The following DCHS2 variants were observed in gnomAD, a reference collection of about 807,000 sequenced individuals.
DCHS2 encodes protocadherin-23.
Under a neutral mutation model 182.4 loss-of-function variants are expected in DCHS2, and 142 were observed. The ratio of observed to expected loss-of-function variants is 0.78; its 90% CI spans 0.68 to 0.89. DCHS2 has a LOEUF of 0.89. DCHS2 is among the 40% of genes least tolerant of loss of function. DCHS2 has a pLI of 0.00. For synonymous variants in DCHS2, 1,740 were observed against 1,663.3 expected, an observed-to-expected ratio of 1.05 and a Z score of -1.12; for missense variants, 4,319 against 4,198.6, an observed-to-expected ratio of 1.03 and a Z score of -0.79.
At chr4:154,357,301 T>A (rs2110743364) in intron 3 of DCHS2, 1 of 1,613,016 alleles carries the variant, frequency 6.2e-7, no homozygotes, top group African/African-American at 1.3e-5. Context: ...GCACTCAGAA[T>A]TTCTACCTCT....
intron 9 of DCHS2, among the ~76,000 whole-genome samples, chr4:154,316,731 C>T (rs970200904): frequency 1.4e-4 from 21 of 152,170 alleles, no homozygotes; most frequent in Non-Finnish European, 1.0e-4. Flanking sequence ...CTGTAGTGAG[C>T]TGAGATCGTG....
intron 14 of DCHS2, among the ~76,000 whole-genome samples, chr4:154,265,757 CAA>C (rs139790522): frequency 7.0e-6 from 1 of 142,490 alleles, no homozygotes. Flanking sequence ...TTCTGAACAA[CAA>C]AAAAAAAAGA....
At position 154,297,834 on chromosome 4, in the gene DCHS2, C is replaced by T. The variant is rs1735000247; in HGVS notation, c.6463+17G>A. The T allele has an allele frequency of 6.3e-7, 1 of 1,591,808 alleles. No homozygotes were observed. Among genetic ancestry groups the T allele is most frequent in the African/African-American group, 1.4e-5 (1 of 73,806 alleles). On this transcript the variant is annotated intron_variant, in intron 13 of 19. Coordinates refer to ENST00000357232, the MANE Select transcript of DCHS2 (RefSeq NM_001358235.2). ...CAAAACAGGTACAATATATGAAAAA[C>T]TTGAAGGGACACTCACCTGCCTCAC... is the stretch of plus-strand genomic sequence containing the variant.
At chr4:154,440,930 C>T (rs892259536) in intron 1 of DCHS2, among the ~76,000 whole-genome samples, 2 of 152,146 alleles carry the variant, frequency 1.3e-5, no homozygotes, top group African/African-American at 2.4e-5. Flanking sequence ...AGAGAAAATA[C>T]AGGATGCCTG....
chr4:154,485,796 G>C (rs1454628316), intron 1 of DCHS2, among the ~76,000 whole-genome samples: 2 of 152,204 alleles, frequency 1.3e-5, no homozygotes, highest in Non-Finnish European at 2.9e-5. Context: ...TCTCAATGCT[G>C]GAGTTATACT....
chr4:154,260,427 C>T (rs946652880), intron 14 of DCHS2, among the ~76,000 whole-genome samples: 1 of 152,188 alleles, frequency 6.6e-6, no homozygotes, highest in Non-Finnish European at 1.5e-5. Context: ...CAGCACTTCC[C>T]ACCTTGTCCC....
intron 4 of DCHS2, 131 bp downstream of exon 4, chr4:154,334,737 G>A: frequency 1.4e-6 from 1 of 708,888 alleles, no homozygotes; most frequent in Admixed American, 2.4e-5. Context: ...GCAAGCCACA[G>A]TTTGTGTTAT....
At chr4:154,364,278 A>G (rs1425307858) in intron 3 of DCHS2, among the ~76,000 whole-genome samples, 2 of 152,206 alleles carry the variant, frequency 1.3e-5, no homozygotes, top group East Asian at 1.9e-4. Flanking sequence ...CTAAAAACAG[A>G]ATACAGTATA....
At chr4:154,414,574 C>A (rs998443331) in intron 1 of DCHS2, among the ~76,000 whole-genome samples, 1 of 138,280 alleles carries the variant, frequency 7.2e-6, no homozygotes, top group African/African-American at 2.7e-5. Flanking sequence ...TTCCTGACAT[C>A]ATTGTACACT....
intron 13 of DCHS2, among the ~76,000 whole-genome samples, chr4:154,275,044 A>ATTT (rs10671130): frequency 7.2e-4 from 108 of 150,040 alleles, no homozygotes; most frequent in East Asian, 5.9e-3. Context: ...CCAAATTGTT[A>ATTT]TTTTTTTTTT....
In DCHS2 at chr4:154,491,554, G is replaced by A; in HGVS notation, c.-199C>T. The A allele has an allele frequency of 7.3e-7, 1 of 1,378,196 alleles. No individual in the cohort carries two copies. The highest frequency in any genetic ancestry group is 1.9e-5 in the South Asian group (1 of 52,248). The allele number at this position is 1,378,196 out of a possible 1,614,324, so 85.4% of individuals were successfully genotyped here. A position where few individuals can be genotyped will look rare whatever the true frequency, so the allele number is the denominator to read the frequency against. On this transcript the variant is annotated 5_prime_UTR_variant, in exon 1 of 20. Coordinates refer to ENST00000357232, the MANE Select transcript of DCHS2 (RefSeq NM_001358235.2). ...CTCTGCCTGCAGCTCACGCAGACAG[G>A]GAAGTAAGCTCTAGCTGCCTCTGCC...
chr4:154,375,543 T>G (rs1730849757), intron 2 of DCHS2, among the ~76,000 whole-genome samples: 1 of 152,098 alleles, frequency 6.6e-6, no homozygotes, highest in South Asian at 2.1e-4. Flanking sequence ...GAATAGACAC[T>G]TCACAAATTA....
intron 2 of DCHS2, among the ~76,000 whole-genome samples, chr4:154,370,523 T>G (rs909887218): frequency 1.3e-5 from 2 of 152,166 alleles, no homozygotes; most frequent in African/African-American, 4.8e-5. Flanking sequence ...CCAAAAGAGC[T>G]TGATAAATTA....
Position 154,490,070 on chromosome 4 carries a change from C to G in DCHS2, c.1286G>C (p.Gly429Ala). The change falls in exon 1 of 20, where the codon GGC becomes GCC. Residue 429 changes from glycine (G) to alanine (A), a missense_variant. Transcript: ENST00000357232. Reference sequence around the variant, plus strand: ...AGCCACGTAGTCGCCCGGTCGGGCGCCTTCAGAGACACGGGCGACGCCTCC... The same window carrying G: ...AGCCACGTAGTCGCCCGGTCGGGCGGCTTCAGAGACACGGGCGACGCCTCC... Reference protein sequence around the residue: ...TEGGVARVSEGARPGDYVARV... With the variant: ...TEGGVARVSEAARPGDYVARV... 1 of 1,549,520 alleles carries G rather than the reference C, an allele frequency of 6.5e-7. No individual in the cohort carries two copies. Among genetic ancestry groups the G allele is most frequent in the Non-Finnish European group, 8.7e-7 (1 of 1,146,916 alleles).
chr4:154,392,642 A>G (rs1183708641), intron 1 of DCHS2, among the ~76,000 whole-genome samples: 1 of 152,170 alleles, frequency 6.6e-6, no homozygotes, highest in Non-Finnish European at 1.5e-5. Flanking sequence ...TTCATGGAGG[A>G]AAAGAGAAAA....
intron 1 of DCHS2, among the ~76,000 whole-genome samples, chr4:154,460,055 G>A (rs935562241): frequency 2.0e-5 from 3 of 152,028 alleles, no homozygotes; most frequent in African/African-American, 7.2e-5. Flanking sequence ...ACAGATCACT[G>A]GTACATTTCT....
rs542105098 is a variant in DCHS2 at position 154,264,794 on chromosome 4, T to C, written c.6578-5038A>G. Among the ~76,000 whole-genome samples, 9 of 152,070 alleles carry C rather than the reference T, an allele frequency of 5.9e-5. No homozygotes were observed. The South Asian group carries it at 1.0e-3, about 18-fold the overall frequency. On this transcript the variant is annotated intron_variant, in intron 14 of 19. Coordinates refer to ENST00000357232, the MANE Select transcript of DCHS2 (RefSeq NM_001358235.2). ...AGATAGTTCAAGCAGAAAAAAATAATACTAGAAGAAAGGCTGAGATGTAAG... is the reference window on the plus strand; with the variant it reads ...AGATAGTTCAAGCAGAAAAAAATAACACTAGAAGAAAGGCTGAGATGTAAG...
intron 4 of DCHS2, chr4:154,333,757 A>T: frequency 1.3e-5 from 6 of 446,952 alleles, no homozygotes; most frequent in Non-Finnish European, 2.0e-5. Context: ...TTTGTAGCCT[A>T]GGAGCAATCG....
chr4:154,417,225 G>C (rs2110905823), intron 1 of DCHS2, among the ~76,000 whole-genome samples: 1 of 149,090 alleles, frequency 6.7e-6, no homozygotes, highest in South Asian at 2.2e-4. Flanking sequence ...GAGAGAGAGA[G>C]AGAGAGAGAG....
Sources: allele counts gnomAD v4.1 joint callset (sites outside exome capture counted in the v4.1 genomes callset), GRCh38; gene constraint gnomAD v4.1.1; transcripts MANE v1.5; gene names NCBI Gene and HGNC (gene_info 2026-07-23, HGNC 2026-07-21).